The following EZR variants were observed in gnomAD, a reference collection of about 807,000 sequenced individuals.
EZR encodes ezrin.
In EZR, 40 loss-of-function variants were observed where a neutral mutation model predicts 74.8. The observed-to-expected ratio is 0.53, with a 90% CI of 0.42 to 0.70. The LOEUF (loss-of-function observed/expected upper bound fraction) is 0.70. Ranked by LOEUF, EZR falls within the 30% of genes least tolerant of loss-of-function variation. The pLI is 0.00. For synonymous variants in EZR, 341 were observed against 283.3 expected, an observed-to-expected ratio of 1.20 and a Z score of -2.05; for missense variants, 678 against 755.8, an observed-to-expected ratio of 0.90 and a Z score of 1.21.
intron 2 of EZR, among the ~76,000 whole-genome samples, chr6:158,801,555 A>G (rs1030121007): frequency 2.6e-5 from 4 of 152,266 alleles, no homozygotes; most frequent in Admixed American, 6.5e-5. Context: ...CTGCAGCACA[A>G]TAACAAAAAC....
chr6:158,799,661 TGCTG>T (rs1193658968), intron 2 of EZR, among the ~76,000 whole-genome samples: 2 of 152,260 alleles, frequency 1.3e-5, no homozygotes, highest in Non-Finnish European at 2.9e-5. Flanking sequence ...TTTCCACAAA[TGCTG>T]GCTAACAGCC....
intron 2 of EZR, among the ~76,000 whole-genome samples, chr6:158,804,998 G>A (rs1035631540): frequency 1.4e-5 from 2 of 144,432 alleles, no homozygotes; most frequent in African/African-American, 2.6e-5. Context: ...CCACCTATGA[G>A]TGAGAATATG....
At chr6:158,802,817 A>C (rs2128574374) in intron 2 of EZR, among the ~76,000 whole-genome samples, 1 of 152,292 alleles carries the variant, frequency 6.6e-6, no homozygotes, top group East Asian at 1.9e-4. Flanking sequence ...GGTGTGAGCC[A>C]CCGCGCCCGG....
Position 158,766,978 on chromosome 6 carries a change from T to G in EZR, c.1697A>C (p.Lys566Thr). 6.2e-7 allele frequency: 1 copy of G among 1,614,204 alleles called. No individual in the cohort carries two copies. Among genetic ancestry groups the G allele is most frequent in the East Asian group, 2.2e-5 (1 of 44,878 alleles). The change falls in exon 14 of 14, where the codon AAG becomes ACG. Residue 566 changes from lysine to threonine, a missense_variant. Around this residue, in one of 3 missense-constraint regions of EZR, gnomAD observed 342 missense variants for 341.2 expected, o/e 1.00. Transcript: ENST00000367075. ...ENMRQGRDKY[K>T]TLRQIRQGNT... The stretch of plus-strand genomic sequence containing the variant: ...GCCCTGCCGGATCTGCCGCAGCGTC[T>G]TGTACTTGTCCCGGCCTTGCCTCAT...
At chr6:158,799,367 G>A (rs1235921266) in intron 2 of EZR, among the ~76,000 whole-genome samples, 1 of 152,152 alleles carries the variant, frequency 6.6e-6, no homozygotes, top group Non-Finnish European at 1.5e-5. Flanking sequence ...GGCGGCAGGG[G>A]GCAGAACCTG....
At chr6:158,807,340 A>AC (rs1777364670) in intron 2 of EZR, among the ~76,000 whole-genome samples, 1 of 151,842 alleles carries the variant, frequency 6.6e-6, no homozygotes, top group African/African-American at 2.4e-5. Flanking sequence ...AAACAAACAA[A>AC]AAAGACAAGG....
rs187301367 is a variant in EZR at position 158,806,304 on chromosome 6, C to T, written c.12+11778G>A. Among the ~76,000 whole-genome samples, 267 of 152,262 alleles carry T rather than the reference C, an allele frequency of 1.8e-3. 2 individuals carry two copies. The highest frequency in any genetic ancestry group is 6.3e-3 in the African/African-American group (262 of 41,556). ...ACCTCAACACTCAGGCACTTCATGA[C>T]GAGCAAAAGTAAAGCATCTCTCCCT... On this transcript the variant is annotated intron_variant, in intron 2 of 13. Coordinates refer to ENST00000367075, the MANE Select transcript of EZR (RefSeq NM_001111077.2).
At chr6:158,785,645 C>G (rs970522669) in intron 4 of EZR, 62 bp from the exon 5 acceptor site, 52 of 1,589,452 alleles carry the variant, frequency 3.3e-5, no homozygotes, top group Non-Finnish European at 4.2e-5. Context: ...CTGTCCCCAA[C>G]ACAGGCTTCT....
chr6:158,768,974 T>C (rs1367567719), intron 12 of EZR, among the ~76,000 whole-genome samples: 1 of 152,136 alleles, frequency 6.6e-6, no homozygotes, highest in African/African-American at 2.4e-5. Context: ...AAGGGGCACA[T>C]ATATAATTAG....
chr6:158,789,926 G>GT (rs992804888), intron 2 of EZR, among the ~76,000 whole-genome samples: 3 of 152,146 alleles, frequency 2.0e-5, no homozygotes, highest in African/African-American at 7.2e-5. Flanking sequence ...AACCTAAGCA[G>GT]TTTTTTTCTT....
intron 3 of EZR, among the ~76,000 whole-genome samples, chr6:158,788,140 A>T (rs1791632193): frequency 6.6e-6 from 1 of 152,246 alleles, no homozygotes; most frequent in African/African-American, 2.4e-5. Flanking sequence ...AATGCCAAAG[A>T]GGGTTGAATA....
chr6:158,787,800 C>G (rs954043142), intron 3 of EZR, among the ~76,000 whole-genome samples: 18 of 152,226 alleles, frequency 1.2e-4, no homozygotes, highest in Non-Finnish European at 2.1e-4. Context: ...CCCAGAGGAA[C>G]CTGCATCTTA....
Position 158,771,478 on chromosome 6 carries a change from C to T in EZR, c.796-71G>A, listed in dbSNP as rs1002567689. The T allele has an allele frequency of 5.4e-6, 8 of 1,490,948 alleles. No homozygotes were observed. The African/African-American group carries it at 1.1e-4, about 21-fold the overall frequency. 92.4% of individuals were successfully genotyped at this position (1,490,948 alleles called of 1,614,324 possible). A position where few individuals can be genotyped will look rare whatever the true frequency, so the allele number is the denominator to read the frequency against. On this transcript the variant is annotated intron_variant, in intron 8 of 13. Transcript: ENST00000367075. ...GTTTTCTTCTCCAAACCATCCTTCA[C>T]AAAGGTCCAGAACTTTTCTAAAAGA...
intron 2 of EZR, among the ~76,000 whole-genome samples, chr6:158,815,580 G>A (rs1583593204): frequency 2.0e-5 from 3 of 152,302 alleles, no homozygotes; most frequent in African/African-American, 7.2e-5. Context: ...GGCTCATCAA[G>A]CAATCCTCCC....
intron 2 of EZR, among the ~76,000 whole-genome samples, chr6:158,807,739 CAT>C (rs1777374169): frequency 6.6e-6 from 1 of 152,144 alleles, no homozygotes; most frequent in Non-Finnish European, 1.5e-5. Flanking sequence ...ATGTATTAGA[CAT>C]GTGTCTTTCC....
intron 13 of EZR, 78 bp from the exon 14 acceptor site, chr6:158,767,156 C>CA (rs1790907063): frequency 6.3e-6 from 10 of 1,591,090 alleles, no homozygotes; most frequent in Non-Finnish European, 8.6e-6. Context: ...ACAGGAAGGG[C>CA]AAGAGGGGTG....
rs1421826905 is a variant in EZR at position 158,784,735 on chromosome 6, G to A, written c.468-8C>T. 1.9e-6 allele frequency: 3 copies of A among 1,613,772 alleles called. No individual in the cohort carries two copies. Among genetic ancestry groups the A allele is most frequent in the Middle Eastern group, 1.7e-4 (1 of 6,060 alleles). Reference sequence around the variant, plus strand: ...TTGTGCTGGTCCATCACTCTGGAATGCAAAAGGAAACAGCACTGTCATCCT... The same window carrying A: ...TTGTGCTGGTCCATCACTCTGGAATACAAAAGGAAACAGCACTGTCATCCT... On this transcript the variant is annotated splice_polypyrimidine_tract_variant and splice_region_variant and intron_variant, in intron 5 of 13. Coordinates refer to ENST00000367075, the MANE Select transcript of EZR (RefSeq NM_001111077.2).
intron 1 of EZR, 54 bp downstream of exon 1, chr6:158,819,263 C>T (rs919689598): frequency 7.2e-5 from 11 of 153,514 alleles, no homozygotes; most frequent in African/African-American, 2.7e-4. Flanking sequence ...GGCCCTCCAC[C>T]AGGAACCCCC....
intron 2 of EZR, among the ~76,000 whole-genome samples, chr6:158,815,441 A>C (rs148284436): frequency 6.6e-6 from 1 of 152,318 alleles, no homozygotes; most frequent in East Asian, 1.9e-4. Context: ...CATGGCAGAC[A>C]GGTATGGCTG....
Sources: allele counts gnomAD v4.1 joint callset (sites outside exome capture counted in the v4.1 genomes callset), GRCh38; gene constraint gnomAD v4.1.1; regional missense constraint gnomAD v4.1.1; transcripts MANE v1.5; gene names NCBI Gene and HGNC (gene_info 2026-07-23, HGNC 2026-07-21).